Variants in DPP6 observed in about 807,000 individuals in gnomAD.
DPP6 encodes the protein dipeptidyl peptidase like 6.
Under a neutral mutation model 122.6 loss-of-function variants are expected in DPP6, and 69 were observed. The observed-to-expected ratio is 0.56, with a 90% confidence interval of 0.46 to 0.69. DPP6 has a LOEUF of 0.69. Ranked by LOEUF, DPP6 falls within the 30% of genes least tolerant of loss-of-function variation. The pLI, the probability that DPP6 is intolerant of heterozygous loss-of-function variation, is 0.00. For synonymous variants in DPP6, 418 were observed against 433.1 expected, an observed-to-expected ratio of 0.97 and a Z score of 0.43; for missense variants, 928 against 1,116.9, an observed-to-expected ratio of 0.83 and a Z score of 2.41.
intron 1 of DPP6, among the ~76,000 whole-genome samples, chr7:154,173,451 T>A (rs1372451741): frequency 6.6e-6 from 1 of 152,136 alleles, no homozygotes; most frequent in Non-Finnish European, 1.5e-5. Flanking sequence ...CAGCCCCGGA[T>A]TTTTATTTCT....
chr7:153,799,213 G>C, the DPP6 span, among the ~76,000 whole-genome samples: 1 of 152,302 alleles, frequency 6.6e-6, no homozygotes, highest in Admixed American at 6.5e-5. Flanking sequence ...CACCTTCACA[G>C]TTGATGGAAT....
chr7:154,344,990 A>G (rs893204554), intron 1 of DPP6, among the ~76,000 whole-genome samples: 12 of 152,228 alleles, frequency 7.9e-5, no homozygotes, highest in African/African-American at 2.9e-4. Flanking sequence ...ACATAAGTGG[A>G]AAAAGTGATC....
chr7:153,887,729 G>C, exon 1 of DPP6: 1 of 1,613,826 alleles, frequency 6.2e-7, no homozygotes, highest in Non-Finnish European at 8.5e-7. Context: ...GCAGGGGAAC[G>C]TGATGGTGAG....
intron 1 of DPP6, among the ~76,000 whole-genome samples, chr7:153,972,818 A>G (rs1056783639): frequency 8.6e-5 from 13 of 151,294 alleles, no homozygotes; most frequent in African/African-American, 1.2e-4. Context: ...TCAGTATTGT[A>G]TTAGTATTGC....
the DPP6 span, among the ~76,000 whole-genome samples, chr7:153,793,922 G>C: frequency 4.6e-5 from 7 of 152,342 alleles, no homozygotes; most frequent in African/African-American, 1.7e-4. Flanking sequence ...CTTCCACTTG[G>C]TGTTGAGCCG....
At chr7:154,450,730 G>A (rs1372322359) in intron 2 of DPP6, among the ~76,000 whole-genome samples, 4 of 152,168 alleles carry the variant, frequency 2.6e-5, no homozygotes, top group Non-Finnish European at 5.9e-5. Context: ...GGGGCTGGGG[G>A]AGGAACTGCA....
intron 1 of DPP6, among the ~76,000 whole-genome samples, chr7:154,376,752 C>A (rs1198334167): frequency 6.6e-6 from 1 of 152,204 alleles, no homozygotes; most frequent in East Asian, 1.9e-4. Flanking sequence ...TAATAGCTTG[C>A]AGCCTGGGCC....
chr7:154,172,644 A>ATGGAC (rs1563276028), intron 1 of DPP6, among the ~76,000 whole-genome samples: 5 of 147,554 alleles, frequency 3.4e-5, no homozygotes, highest in African/African-American at 1.3e-4. Flanking sequence ...GCTGTGACCC[A>ATGGAC]GGATGGACTG....
At position 154,368,102 on chromosome 7, in the gene DPP6, G is replaced by A. The variant is rs190042088; in HGVS notation, c.244-78112G>A. ...AAGGCATGAGCCACCACACCCAGCC[G>A]TGAAATTTACTTTATACTGTGGAAT... On this transcript the variant is annotated intron_variant, in intron 1 of 25. Coordinates refer to ENST00000377770, the MANE Select transcript of DPP6 (RefSeq NM_130797.4). 2.8e-4 allele frequency among the ~76,000 whole-genome samples: 42 copies of A among 152,240 alleles called. No homozygotes were observed. The East Asian group carries it at 2.9e-3, about 11-fold the overall frequency.
Position 154,724,665 on chromosome 7 carries a change from G to A in DPP6, c.763-3102G>A, listed in dbSNP as rs113666022. ...CAGGAGCTGGCTCCTGGCCTCCTGA[G>A]TATCCCATCTTGCCCCTCCTGTATG... On this transcript the variant is annotated intron_variant, in intron 7 of 25. Transcript: ENST00000377770. 7.9e-3 allele frequency among the ~76,000 whole-genome samples: 1,197 copies of A among 152,146 alleles called. 10 individuals carry two copies. The highest frequency in any genetic ancestry group is 0.027 in the African/African-American group (1,111 of 41,500).
At chr7:153,890,425 CTGT>C (rs1219271710) in intron 1 of DPP6, among the ~76,000 whole-genome samples, 1 of 152,224 alleles carries the variant, frequency 6.6e-6, no homozygotes, top group African/African-American at 2.4e-5. Flanking sequence ...GACCTGCAGC[CTGT>C]TGTTTCACCG....
At chr7:154,159,624 A>G (rs1796872102) in intron 1 of DPP6, among the ~76,000 whole-genome samples, 1 of 152,280 alleles carries the variant, frequency 6.6e-6, no homozygotes, top group South Asian at 2.1e-4. Context: ...AACATCATCC[A>G]GTCTGCCTCC....
At chr7:154,093,606 A>C (rs1033923236) in intron 1 of DPP6, 1 of 124,066 alleles carries the variant, frequency 8.1e-6, no homozygotes, top group African/African-American at 3.2e-5. Flanking sequence ...CCCCACACAC[A>C]CACCATACAC....
At chr7:154,432,190 A>C (rs769916434) in intron 1 of DPP6, among the ~76,000 whole-genome samples, 23 of 152,206 alleles carry the variant, frequency 1.5e-4, no homozygotes, top group Non-Finnish European at 2.8e-4. Flanking sequence ...GCTAGTTTTA[A>C]GTATTTAGGC....
chr7:154,402,978 T>G (rs550615894), intron 1 of DPP6, among the ~76,000 whole-genome samples: 16 of 152,182 alleles, frequency 1.1e-4, no homozygotes, highest in African/African-American at 3.9e-4. Context: ...ACTATAGTTC[T>G]TAGTCTCAGA....
intron 1 of DPP6, among the ~76,000 whole-genome samples, chr7:154,391,019 G>A (rs895650539): frequency 6.6e-6 from 1 of 152,130 alleles, no homozygotes; most frequent in Admixed American, 6.5e-5. Flanking sequence ...AAAATGGGGC[G>A]GATCAGCCCA....
At chr7:154,695,038 C>G (rs962554373) in intron 7 of DPP6, among the ~76,000 whole-genome samples, 1 of 152,164 alleles carries the variant, frequency 6.6e-6, no homozygotes, top group Non-Finnish European at 1.5e-5. Flanking sequence ...GTTTTATCCT[C>G]TGTTTTGTCA....
chr7:154,074,229 G>A (rs1055528819), intron 1 of DPP6, among the ~76,000 whole-genome samples: 11 of 151,784 alleles, frequency 7.2e-5, no homozygotes, highest in Non-Finnish European at 1.2e-4. Flanking sequence ...CATAACCTTC[G>A]GGGAAATAGG....
At chr7:154,471,872 T>G (rs1822309243) in intron 2 of DPP6, among the ~76,000 whole-genome samples, 1 of 152,190 alleles carries the variant, frequency 6.6e-6, no homozygotes, top group Admixed American at 6.5e-5. Context: ...TGAAAAAAGT[T>G]ATTTAGATAT....
Sources: allele counts gnomAD v4.1 joint callset (sites outside exome capture counted in the v4.1 genomes callset), GRCh38; gene constraint gnomAD v4.1.1; transcripts MANE v1.5; gene names NCBI Gene and HGNC (gene_info 2026-07-23, HGNC 2026-07-21).